ASPM: variants seen among roughly 807,000 people sequenced by gnomAD.
ASPM encodes the protein assembly factor for spindle microtubules.
A neutral mutation model predicts 366.4 loss-of-function variants in ASPM; 256 were observed. The ratio of observed to expected loss-of-function variants is 0.70; its 90% CI spans 0.63 to 0.77. ASPM has a LOEUF of 0.77. Among genes scored for constraint, ASPM ranks in the 30% least tolerant of loss-of-function variants. The probability of loss-of-function intolerance (pLI) is 0.00; values close to 1 mark genes in which losing one functional copy is unlikely to be tolerated. For synonymous variants in ASPM, 1,414 were observed against 1,342.9 expected (o/e 1.05, Z -1.16); for missense variants, 4,146 against 4,090.4 (o/e 1.01, Z -0.37).
At chr1:197,122,659 G>A in intron 13 of ASPM, 64 bp from the exon 14 acceptor site, 2 of 1,416,382 alleles carry the variant, frequency 1.4e-6, no homozygotes, top group Non-Finnish European at 2.0e-6. Flanking sequence ...ATAATGGTTT[G>A]CAGAATACCT....
chr1:197,092,897 C>T (rs983852885), intron 21 of ASPM, among the ~76,000 whole-genome samples, 155 bp downstream of exon 21: 4 of 151,824 alleles, frequency 2.6e-5, no homozygotes, highest in Admixed American at 2.6e-4. Context: ...ACAGTCAGTG[C>T]TCTTGTCACT....
rs772380769 is a variant in ASPM at position 197,146,265 on chromosome 1, C to T, written c.173G>A (p.Gly58Glu). 1 of 1,614,084 alleles carries T rather than the reference C, an allele frequency of 6.2e-7. No homozygotes were observed. Among genetic ancestry groups the T allele is most frequent in the Non-Finnish European group, 8.5e-7 (1 of 1,180,020 alleles). Residue 58 changes from glycine (G) to glutamate (E), a missense_variant, in exon 1 of 28, where the codon GGA (glycine) becomes GAA (glutamate). This residue lies in a region of ASPM where 512 missense variants were observed against 471.7 expected (regional missense o/e 1.09). Coordinates refer to ENST00000367409, the MANE Select transcript of ASPM (RefSeq NM_018136.5). ...GGCCAGAGACAGCGTCCGTGAGGCTCCCAGGAGAACGTCCCCGAAGCAAAG... is the reference window on the plus strand; with the variant it reads ...GGCCAGAGACAGCGTCCGTGAGGCTTCCAGGAGAACGTCCCCGAAGCAAAG... ...PFLCFGDVLL[G>E]ASRTLSLALD...
chr1:197,103,209 A>T lies in ASPM; in HGVS notation c.6042T>A (p.Asn2014Lys). The T allele has an allele frequency of 6.2e-7, 1 of 1,612,830 alleles. No individual in the cohort carries two copies. The highest frequency in any genetic ancestry group is 8.5e-7 in the Non-Finnish European group (1 of 1,179,402). Residue 2014 changes from asparagine (N) to lysine (K), a missense_variant, in exon 18 of 28, where the codon AAT (asparagine) becomes AAA (lysine). By Grantham distance (94) the Asn-to-Lys change is moderately conservative. Around this residue, in one of 3 missense-constraint regions of ASPM, gnomAD observed 3,624 missense variants for 3,591.7 expected, o/e 1.01. Coordinates refer to ENST00000367409, the MANE Select transcript of ASPM (RefSeq NM_018136.5). ...CTGCTTTTGTTTTCAAATATAAATG[A>T]TTCTGTTCTCTTCCAATACTGTAAG... is the stretch of plus-strand genomic sequence containing the variant. Reference protein sequence around the residue: ...YRAYSIGREQNHLYLKTKAAV... With the variant: ...YRAYSIGREQKHLYLKTKAAV...
chr1:197,113,233 A>T (rs1657639822), intron 17 of ASPM, among the ~76,000 whole-genome samples: 1 of 152,132 alleles, frequency 6.6e-6, no homozygotes, highest in Admixed American at 6.6e-5. Context: ...GTCAGAGGGA[A>T]GTGTGGGTTG....
chr1:197,124,897 C>T lies in ASPM; in HGVS notation c.3141G>A (p.Leu1047=), dbSNP rs1557957031. The T allele has an allele frequency of 6.2e-7, 1 of 1,610,226 alleles. No homozygotes were observed. Among genetic ancestry groups the T allele is most frequent in the East Asian group, 2.2e-5 (1 of 44,832 alleles). ...GAAAAGCAAACGCTATTTTCCAAAG[C>T]AACCTGAGAGTTTTTTCTCTGTGCC... ...VDRHREKTLR[L]LWKIAFAFQV... is the part of the protein sequence containing the mutation. Residue 1047 remains leucine, a synonymous_variant, in exon 12 of 28, where the codon TTG becomes TTA. Coordinates refer to ENST00000367409, the MANE Select transcript of ASPM (RefSeq NM_018136.5).
chr1:197,118,798 C>T (rs1226274566), intron 16 of ASPM, among the ~76,000 whole-genome samples: 3 of 152,006 alleles, frequency 2.0e-5, no homozygotes, highest in Admixed American at 2.0e-4. Flanking sequence ...AGCCAGGATA[C>T]GAATCAGGCA....
intron 26 of ASPM, among the ~76,000 whole-genome samples, chr1:197,087,750 T>C (rs1656642698): frequency 2.6e-5 from 4 of 152,176 alleles, no homozygotes; most frequent in Admixed American, 2.6e-4. Flanking sequence ...AATTCATTCT[T>C]CAATCAGAAG....
At position 197,104,024 on chromosome 1, in the gene ASPM, G is replaced by T; in HGVS notation, c.5227C>A (p.Leu1743Ile). The T allele has an allele frequency of 6.2e-7, 1 of 1,612,604 alleles. No individual in the cohort carries two copies. The highest frequency in any genetic ancestry group is 1.1e-5 in the South Asian group (1 of 91,046). The part of the protein sequence containing the change: ...IKLQAFVRGY[L>I]VRKQMRLQRK... ...TGTAACCTCATCTGCTTTCGGACAA[G>T]GTATCCTCTAACAAATGCTTGCAGT... The change falls in exon 18 of 28, where the codon CTT becomes ATT. Residue 1743 changes from leucine (L) to isoleucine (I), a missense_variant. By Grantham distance (5) the Leu-to-Ile change is conservative. This residue lies in a region of ASPM where 3,624 missense variants were observed against 3,591.7 expected (regional missense o/e 1.01). Coordinates refer to ENST00000367409, the MANE Select transcript of ASPM (RefSeq NM_018136.5).
In ASPM at chr1:197,143,262, A is replaced by T. The variant is rs755860438; in HGVS notation, c.990T>A (p.Asn330Lys). The T allele has an allele frequency of 6.2e-7, 1 of 1,612,730 alleles. No homozygotes were observed. The highest frequency in any genetic ancestry group is 8.5e-7 in the Non-Finnish European group (1 of 1,178,934). The change falls in exon 3 of 28, where the codon AAT becomes AAA. Residue 330 changes from asparagine to lysine, a missense_variant. Transcript: ENST00000367409. ...AAAGACATGTTACTAATTCTAGTTCATTATTAGCTCCATGACTATTATTTA... is the reference window on the plus strand; with the variant it reads ...AAAGACATGTTACTAATTCTAGTTCTTTATTAGCTCCATGACTATTATTTA... ...SFVNNSHGANNELELVTCLSS... is the reference protein window; with the variant it reads ...SFVNNSHGANKELELVTCLSS...
At chr1:197,116,852 G>A (rs899038699) in intron 17 of ASPM, among the ~76,000 whole-genome samples, 6 of 152,174 alleles carry the variant, frequency 3.9e-5, no homozygotes, top group Middle Eastern at 3.4e-3. Context: ...AAAAGTAAGC[G>A]AAACTAAATT....
chr1:197,136,048 T>C (rs1409204420), intron 4 of ASPM, among the ~76,000 whole-genome samples: 2 of 152,200 alleles, frequency 1.3e-5, no homozygotes, highest in Non-Finnish European at 2.9e-5. Flanking sequence ...TAGCAGCTGA[T>C]TTCTCAGCAG....
chr1:197,139,749 A>G lies in ASPM; in HGVS notation c.2026+18T>C. On this transcript the variant is annotated intron_variant, in intron 4 of 27. Coordinates refer to ENST00000367409, the MANE Select transcript of ASPM (RefSeq NM_018136.5). Reference sequence around the variant, plus strand: ...CGATGTCATGTTTTCAGAGAGTTTAAGTATAATAAATACTTGCCTGTTTTT... The same window carrying G: ...CGATGTCATGTTTTCAGAGAGTTTAGGTATAATAAATACTTGCCTGTTTTT... 2 of 1,520,586 alleles carry G rather than the reference A, an allele frequency of 1.3e-6. No homozygotes were observed. The highest frequency in any genetic ancestry group is 1.8e-6 in the Non-Finnish European group (2 of 1,095,062). The allele number at this position is 1,520,586 out of a possible 1,614,324, so 94.2% of individuals were successfully genotyped here. A position where few individuals can be genotyped will look rare whatever the true frequency, so the allele number is the denominator to read the frequency against.
chr1:197,098,278 G>T (rs1481564419), intron 18 of ASPM, among the ~76,000 whole-genome samples: 2 of 151,240 alleles, frequency 1.3e-5, no homozygotes, highest in Non-Finnish European at 3.0e-5. Flanking sequence ...AAACTTCGCT[G>T]CTCATTAGAG....
intron 7 of ASPM, among the ~76,000 whole-genome samples, chr1:197,131,728 T>C (rs1338507411): frequency 6.6e-6 from 1 of 151,904 alleles, no homozygotes; most frequent in Non-Finnish European, 1.5e-5. Flanking sequence ...CTGGCTGATT[T>C]TTTTGTATTT....
chr1:197,142,450 C>A lies in ASPM; in HGVS notation c.1802G>T (p.Arg601Ile), dbSNP rs766146033. 6.2e-7 allele frequency: 1 copy of A among 1,613,794 alleles called. No individual in the cohort carries two copies. Among genetic ancestry groups the A allele is most frequent in the African/African-American group, 1.3e-5 (1 of 74,904 alleles). Reference protein sequence around the residue: ...TEHTEVREIKRIHFSPSEPKT... With the variant: ...TEHTEVREIKIIHFSPSEPKT... ...AGGCTCTGAGGGAGAAAAATGGATT[C>A]TTTTGATTTCTCGCACTTCTGTATG... Residue 601 changes from arginine (R) to isoleucine (I), a missense_variant, in exon 3 of 28, where the codon AGA becomes ATA. This residue lies in a region of ASPM where 3,624 missense variants were observed against 3,591.7 expected (regional missense o/e 1.01). Coordinates refer to ENST00000367409, the MANE Select transcript of ASPM (RefSeq NM_018136.5).
chr1:197,127,994 TCTCTA>T (rs1658139837), intron 10 of ASPM, among the ~76,000 whole-genome samples: 1 of 151,628 alleles, frequency 6.6e-6, no homozygotes, highest in Non-Finnish European at 1.5e-5. Context: ...TGAAACCCCG[TCTCTA>T]CTAAAAATAC....
chr1:197,143,300 G>T lies in ASPM; in HGVS notation c.952C>A (p.Pro318Thr), dbSNP rs1571631031. ...TGACTATTATTTACAAAAGAATCTG[G>T]ACTTAGAAAATGTATTTGGCTTTGT... The part of the protein sequence containing the change: ...ITQSQIHFLS[P>T]DSFVNNSHGA... Residue 318 changes from proline (P) to threonine (T), a missense_variant, in exon 3 of 28, where the codon CCA becomes ACA. By Grantham distance (38) the Pro-to-Thr change is conservative (BLOSUM62 -1). Coordinates refer to ENST00000367409, the MANE Select transcript of ASPM (RefSeq NM_018136.5). 1 of 1,613,744 alleles carries T rather than the reference G, an allele frequency of 6.2e-7. No individual in the cohort carries two copies. Among genetic ancestry groups the T allele is most frequent in the Non-Finnish European group, 8.5e-7 (1 of 1,179,740 alleles).
At chr1:197,112,660 T>G (rs983072403) in intron 17 of ASPM, among the ~76,000 whole-genome samples, 1 of 152,146 alleles carries the variant, frequency 6.6e-6, no homozygotes, top group Non-Finnish European at 1.5e-5. Flanking sequence ...AGAATGCAAC[T>G]GTTTGTCTCT....
Position 197,090,065 on chromosome 1 carries a change from A to G in ASPM, c.9849T>C (p.Ser3283=). The G allele has an allele frequency of 1.9e-6, 3 of 1,613,508 alleles. No homozygotes were observed. Among genetic ancestry groups the G allele is most frequent in the Non-Finnish European group, 2.5e-6 (3 of 1,179,632 alleles). ...GGGCCATGTTCTCACAACAAAGTGG[A>G]GACAATCTAGTAACTACCTCTGAAA... The part of the protein sequence containing the change: ...LKHLEVVTRL[S]PLCCENMAQS... Residue 3283 remains serine, a synonymous_variant, in exon 25 of 28, where the codon TCT becomes TCC. Coordinates refer to ENST00000367409, the MANE Select transcript of ASPM (RefSeq NM_018136.5).
Sources: gnomAD v4.1 joint callset for allele counts (sites outside exome capture counted in the v4.1 genomes callset) on GRCh38, gnomAD v4.1.1 for gene constraint, gnomAD v4.1.1 regional missense constraint, MANE v1.5 for transcripts, NCBI Gene and HGNC (gene_info 2026-07-23, HGNC 2026-07-21) for gene names.